BTBD9: variants seen among roughly 807,000 people sequenced by gnomAD.
BTBD9 encodes the protein BTB/POZ domain-containing protein 9.
BTBD9 carries 49 observed loss-of-function variants against 64.3 expected under a neutral mutation model. That is an observed-to-expected ratio of 0.76 (90% confidence interval 0.61 to 0.97). BTBD9 has a LOEUF of 0.97. Among genes scored for constraint, BTBD9 ranks in the 50% least tolerant of loss-of-function variants. The probability of loss-of-function intolerance (pLI) is 0.00; values close to 1 mark genes in which losing one functional copy is unlikely to be tolerated. For synonymous variants in BTBD9, 260 were observed against 274.7 expected (o/e 0.95, Z 0.53); for missense variants, 598 against 762.1 (o/e 0.78, Z 2.53).
intron 6 of BTBD9, among the ~76,000 whole-genome samples, chr6:38,527,045 C>T (rs1461014693): frequency 6.6e-6 from 1 of 151,816 alleles, no homozygotes; most frequent in Non-Finnish European, 1.5e-5. Flanking sequence ...GGAGGCCAGG[C>T]AGATGGATCA....
At chr6:38,345,227 C>T in intron 6 of BTBD9, 134 bp from the exon 7 acceptor site, 1 of 517,758 alleles carries the variant, frequency 1.9e-6, no homozygotes, top group East Asian at 2.8e-5. Flanking sequence ...CTGAGCTTGA[C>T]TTCAGACTCT....
In BTBD9 at chr6:38,175,298, G is replaced by A. The variant is rs982017773; in HGVS notation, c.1642-116C>T. On this transcript the variant is annotated intron_variant, in intron 10 of 10. Coordinates refer to ENST00000481247, the MANE Select transcript of BTBD9 (RefSeq NM_001099272.2). ...TGGGGGCCACCACGAGGGAGTTAGA[G>A]GAGGTCCTTCCCACTGCCCACGCCT... 6 of 1,090,760 alleles carry A rather than the reference G, an allele frequency of 5.5e-6. No individual in the cohort carries two copies. In the African/African-American group the frequency reaches 7.8e-5, roughly 14 times the overall value. The allele number at this position is 1,090,760 out of a possible 1,614,324, so 67.6% of individuals were successfully genotyped here.
chr6:38,197,046 T>C lies in BTBD9; in HGVS notation c.1563-4449A>G, dbSNP rs373908778. Among the ~76,000 whole-genome samples the C allele has an allele frequency of 1.5e-4, 23 of 152,330 alleles. No homozygotes were observed. The East Asian group carries it at 4.0e-3, about 27-fold the overall frequency. On this transcript the variant is annotated intron_variant, in intron 9 of 10. Transcript: ENST00000481247. ...AAATTCTGTAATGCAAATGAAATCATGGGGATGTAGCTGGAACATGGTAGG... is the reference window on the plus strand; with the variant it reads ...AAATTCTGTAATGCAAATGAAATCACGGGGATGTAGCTGGAACATGGTAGG...
chr6:38,199,754 G>C (rs999485666), intron 9 of BTBD9, among the ~76,000 whole-genome samples: 1 of 152,194 alleles, frequency 6.6e-6, no homozygotes, highest in Admixed American at 6.5e-5. Flanking sequence ...TGCTGGGCAG[G>C]GGTATCCTAG....
At position 38,171,904 on chromosome 6, in the gene BTBD9, T is replaced by C. The variant is rs1239162485; in HGVS notation, c.*3081A>G. 1.8e-5 allele frequency: 2 copies of C among 110,490 alleles called. No homozygotes were observed. Among genetic ancestry groups the C allele is most frequent in the African/African-American group, 3.6e-5 (1 of 27,444 alleles). The allele number at this position is 110,490 out of a possible 1,614,324, so 6.8% of individuals were successfully genotyped here. ...AAAATAATAATAATAATAATAATAATAATAATGAAAAGTGAAGGGTGGGGG... is the reference window on the plus strand; with the variant it reads ...AAAATAATAATAATAATAATAATAACAATAATGAAAAGTGAAGGGTGGGGG... On this transcript the variant is annotated 3_prime_UTR_variant, in exon 11 of 11. Coordinates refer to ENST00000481247, the MANE Select transcript of BTBD9 (RefSeq NM_001099272.2).
At chr6:38,186,153 C>A (rs1761808095) in intron 10 of BTBD9, among the ~76,000 whole-genome samples, 1 of 152,212 alleles carries the variant, frequency 6.6e-6, no homozygotes, top group South Asian at 2.1e-4. Flanking sequence ...CTGCCCACAG[C>A]ACTGGAGGAG....
At chr6:38,548,359 T>C (rs1466798489) in intron 6 of BTBD9, among the ~76,000 whole-genome samples, 2 of 152,260 alleles carry the variant, frequency 1.3e-5, no homozygotes, top group Admixed American at 1.3e-4. Flanking sequence ...CGAAGTCTAT[T>C]ACGTATGCTT....
intron 10 of BTBD9, among the ~76,000 whole-genome samples, chr6:38,180,202 G>A (rs554729262): frequency 5.9e-5 from 9 of 152,102 alleles, no homozygotes; most frequent in Admixed American, 2.0e-4. Flanking sequence ...ATGGGCATTC[G>A]GGGGGGCCTG....
chr6:38,588,780 T>C (rs1776660278), intron 4 of BTBD9, among the ~76,000 whole-genome samples: 1 of 152,224 alleles, frequency 6.6e-6, no homozygotes, highest in Admixed American at 6.5e-5. Flanking sequence ...TGTAAAGTGA[T>C]TGACCTAGCT....
chr6:38,472,349 T>C (rs774122396), intron 6 of BTBD9, among the ~76,000 whole-genome samples: 9 of 152,176 alleles, frequency 5.9e-5, no homozygotes, highest in African/African-American at 9.7e-5. Context: ...TAAATAGAAA[T>C]TTATGTTCCA....
intron 6 of BTBD9, among the ~76,000 whole-genome samples, chr6:38,529,374 T>A (rs548614973): frequency 6.6e-6 from 1 of 152,158 alleles, no homozygotes; most frequent in Non-Finnish European, 1.5e-5. Flanking sequence ...AGACCCACAG[T>A]GTTACTAAGC....
At chr6:38,383,678 C>A (rs929900594) in intron 6 of BTBD9, among the ~76,000 whole-genome samples, 5 of 152,184 alleles carry the variant, frequency 3.3e-5, no homozygotes, top group African/African-American at 1.2e-4. Context: ...AATGGAGGAA[C>A]ACACCATGTT....
chr6:38,506,463 G>A (rs1185659946), intron 6 of BTBD9, among the ~76,000 whole-genome samples: 1 of 152,210 alleles, frequency 6.6e-6, no homozygotes, highest in Non-Finnish European at 1.5e-5. Context: ...CTGAGCTGCA[G>A]GGCTTGCTGC....
chr6:38,619,510 A>C (rs1029742045), intron 1 of BTBD9, among the ~76,000 whole-genome samples: 2 of 152,188 alleles, frequency 1.3e-5, no homozygotes, highest in African/African-American at 4.8e-5. Flanking sequence ...GCCCATGTCC[A>C]CTATGCTGAG....
chr6:38,285,545 A>G (rs1761697444), intron 8 of BTBD9, among the ~76,000 whole-genome samples: 2 of 152,134 alleles, frequency 1.3e-5, no homozygotes, highest in Admixed American at 6.6e-5. Flanking sequence ...GTGGGGTACC[A>G]GGTAAGCAAA....
chr6:38,192,722 G>A, intron 9 of BTBD9, 125 bp from the exon 10 acceptor site: 1 of 785,912 alleles, frequency 1.3e-6, no homozygotes, highest in Non-Finnish European at 2.2e-6. Flanking sequence ...CACTATAGGA[G>A]GGGCAGGCAG....
chr6:38,336,679 C>T (rs2127585253), intron 7 of BTBD9, among the ~76,000 whole-genome samples: 1 of 152,136 alleles, frequency 6.6e-6, no homozygotes, highest in Non-Finnish European at 1.5e-5. Flanking sequence ...AAACCATATC[C>T]CTGACCCAAT....
intron 7 of BTBD9, among the ~76,000 whole-genome samples, chr6:38,339,444 G>A (rs1472960967): frequency 6.6e-6 from 1 of 151,788 alleles, no homozygotes; most frequent in Non-Finnish European, 1.5e-5. Context: ...AGAACAGCCT[G>A]GGCAATAGAG....
intron 6 of BTBD9, among the ~76,000 whole-genome samples, chr6:38,438,675 T>C (rs1010892627): frequency 6.6e-6 from 1 of 152,242 alleles, no homozygotes; most frequent in Non-Finnish European, 1.5e-5. Context: ...AGTATATTTA[T>C]TGAGCATTTA....
Sources: gnomAD v4.1 joint callset for allele counts (sites outside exome capture counted in the v4.1 genomes callset) on GRCh38, gnomAD v4.1.1 for gene constraint, MANE v1.5 for transcripts, NCBI Gene and HGNC (gene_info 2026-07-23, HGNC 2026-07-21) for gene names.